FRMD4A: variants seen among roughly 807,000 people sequenced by gnomAD.
FRMD4A encodes FERM domain-containing protein 4A.
FRMD4A carries 29 observed loss-of-function variants against 129.1 expected under a neutral mutation model. The ratio of observed to expected loss-of-function variants is 0.22; its 90% CI spans 0.17 to 0.31. The LOEUF is 0.31. Ranked by LOEUF, FRMD4A falls within the 10% of genes least tolerant of loss-of-function variation. The pLI is 1.00. For synonymous variants in FRMD4A, 634 were observed against 571.6 expected (o/e 1.11, Z -1.56); for missense variants, 1,272 against 1,375.8 (o/e 0.92, Z 1.19).
chr10:13,762,531 G>A (rs931823673), intron 7 of FRMD4A, 93 bp downstream of exon 7: 2 of 742,656 alleles, frequency 2.7e-6, no homozygotes, highest in Non-Finnish European at 4.8e-6. Flanking sequence ...CAAATAGTGA[G>A]TAGATACAGC....
In FRMD4A at chr10:13,694,536, CAAG is replaced by C. The variant is rs200684947; in HGVS notation, c.976-500_976-498del. Among the ~76,000 whole-genome samples the C allele has an allele frequency of 9.7e-3, 1,473 of 152,218 alleles. 23 individuals are homozygous for C. Among genetic ancestry groups the C allele is most frequent in the African/African-American group, 0.034 (1,403 of 41,506 alleles). On this transcript the variant is annotated intron_variant, in intron 14 of 24. Transcript: ENST00000357447. ...TGGTTATAATTATTTAGTGCTTAAACAAGGAGGAGAAAATGATTTTCAGTGCTG... is the reference window on the plus strand; with the variant it reads ...TGGTTATAATTATTTAGTGCTTAAACGAGGAGAAAATGATTTTCAGTGCTG...
In FRMD4A at chr10:13,984,765, A is replaced by C. The variant is rs141823294; in HGVS notation, c.46-125853T>G. Among the ~76,000 whole-genome samples, 330 of 152,352 alleles carry C rather than the reference A, an allele frequency of 2.2e-3. 1 individual carries two copies. Among genetic ancestry groups the C allele is most frequent in the African/African-American group, 7.5e-3 (310 of 41,572 alleles). Reference sequence around the variant, plus strand: ...TTGTATGGAGAGACCACATTCATCCATCAGCGGGCACTTGGGTTGTTTCCA... The same window carrying C: ...TTGTATGGAGAGACCACATTCATCCCTCAGCGGGCACTTGGGTTGTTTCCA... On this transcript the variant is annotated intron_variant, in intron 2 of 24. Transcript: ENST00000357447.
chr10:14,205,512 T>A (rs899899627), intron 2 of FRMD4A, among the ~76,000 whole-genome samples: 4 of 152,068 alleles, frequency 2.6e-5, no homozygotes, highest in African/African-American at 9.7e-5. Flanking sequence ...ACTCAGGTTA[T>A]GTAGAAATTA....
intron 21 of FRMD4A, 130 bp from the exon 22 acceptor site, chr10:13,657,652 CAG>C (rs2082283189): frequency 1.5e-6 from 2 of 1,306,174 alleles, no homozygotes; most frequent in Non-Finnish European, 2.0e-6. Flanking sequence ...CCCAGCAAGC[CAG>C]AGTCTCACTC....
chr10:13,846,454 G>T (rs944658606), intron 3 of FRMD4A, among the ~76,000 whole-genome samples: 17 of 152,196 alleles, frequency 1.1e-4, no homozygotes, highest in African/African-American at 3.9e-4. Flanking sequence ...GGGGGTGAAG[G>T]TGATGGGGTT....
rs576679179 is a variant in FRMD4A, at chr10:13,644,339, A to G, written c.*2699T>C. On this transcript the variant is annotated 3_prime_UTR_variant, in exon 25 of 25. Transcript: ENST00000357447. ...AAGAGTTTGCAAGTGCTTGTGTACA[A>G]TAACTACATCATTTCCCACCACACT... The G allele has an allele frequency of 3.9e-5, 6 of 152,272 alleles. No individual in the cohort carries two copies. The highest frequency in any genetic ancestry group is 5.9e-5 in the Non-Finnish European group (4 of 68,054). 9.4% of individuals were successfully genotyped at this position (152,272 alleles called of 1,614,324 possible).
intron 6 of FRMD4A, among the ~76,000 whole-genome samples, chr10:13,775,989 G>C (rs2092588674): frequency 6.6e-6 from 1 of 152,188 alleles, no homozygotes. Flanking sequence ...ACTTGGATTA[G>C]TCACGATAAT....
At chr10:14,192,437 C>G (rs1055480064) in intron 2 of FRMD4A, among the ~76,000 whole-genome samples, 1 of 152,220 alleles carries the variant, frequency 6.6e-6, no homozygotes, top group Non-Finnish European at 1.5e-5. Flanking sequence ...AATATACATT[C>G]ACATAACAAA....
chr10:13,661,313 GGA>G (rs1440608970), intron 19 of FRMD4A, among the ~76,000 whole-genome samples: 2 of 152,212 alleles, frequency 1.3e-5, no homozygotes, highest in Admixed American at 1.3e-4. Flanking sequence ...AGGTGCTGTG[GGA>G]GAGGCTGGTC....
intron 2 of FRMD4A, among the ~76,000 whole-genome samples, chr10:14,263,157 T>G (rs1844862030): frequency 6.6e-6 from 1 of 152,232 alleles, no homozygotes; most frequent in Non-Finnish European, 1.5e-5. Context: ...TTGGACTGAC[T>G]TGATTCTAGA....
At chr10:13,919,673 G>A (rs2095048881) in intron 2 of FRMD4A, among the ~76,000 whole-genome samples, 3 of 152,078 alleles carry the variant, frequency 2.0e-5, no homozygotes, top group African/African-American at 7.2e-5. Context: ...CGCGGTGGCT[G>A]AAGCCTGTAA....
intron 2 of FRMD4A, among the ~76,000 whole-genome samples, chr10:14,146,820 A>C (rs1231069640): frequency 2.0e-5 from 3 of 152,220 alleles, no homozygotes; most frequent in Non-Finnish European, 4.4e-5. Flanking sequence ...CTCACCAGGC[A>C]CATGAGTCAA....
At chr10:13,853,843 A>AAG (rs1564915425) in intron 3 of FRMD4A, among the ~76,000 whole-genome samples, 1 of 150,446 alleles carries the variant, frequency 6.6e-6, no homozygotes, top group Non-Finnish European at 1.5e-5. Context: ...AAAAAAAAAA[A>AAG]AAAAAAAAAA....
intron 2 of FRMD4A, among the ~76,000 whole-genome samples, chr10:14,215,902 A>T (rs1191098251): frequency 6.6e-6 from 1 of 152,100 alleles, no homozygotes; most frequent in Non-Finnish European, 1.5e-5. Flanking sequence ...CTGCATGTCG[A>T]AGGGGAAATA....
intron 14 of FRMD4A, 70 bp downstream of exon 14, chr10:13,701,270 T>C (rs1197035812): frequency 4.1e-6 from 6 of 1,463,184 alleles, no homozygotes; most frequent in Admixed American, 1.7e-5. Flanking sequence ...CCCCCACCCA[T>C]CCGATCCTCA....
At position 14,325,790 on chromosome 10, in the gene FRMD4A, A is replaced by G. The variant is rs1054501254; in HGVS notation, c.45+4268T>C. 2.0e-5 allele frequency among the ~76,000 whole-genome samples: 3 copies of G among 152,384 alleles called. No homozygotes were observed. In the East Asian group the frequency reaches 5.8e-4, roughly 29 times the overall value. Reference sequence around the variant, plus strand: ...ATTGTCCAAAGGAGGAAAATGGCTTAGAAAAGAATTTATAAAGAAATGAAA... The same window carrying G: ...ATTGTCCAAAGGAGGAAAATGGCTTGGAAAAGAATTTATAAAGAAATGAAA... On this transcript the variant is annotated intron_variant, in intron 2 of 24. Coordinates refer to ENST00000357447, the MANE Select transcript of FRMD4A (RefSeq NM_018027.5).
chr10:13,794,928 A>T (rs911580993), intron 5 of FRMD4A, among the ~76,000 whole-genome samples: 1 of 152,160 alleles, frequency 6.6e-6, no homozygotes, highest in African/African-American at 2.4e-5. Context: ...GCTTGCAGTG[A>T]TTTGGAAAGA....
At chr10:13,688,277 G>C (rs1048098322) in intron 15 of FRMD4A, among the ~76,000 whole-genome samples, 18 of 152,054 alleles carry the variant, frequency 1.2e-4, no homozygotes, top group Non-Finnish European at 2.5e-4. Context: ...CATCATTCTC[G>C]GCAAACTATA....
chr10:13,874,916 G>A (rs1365134638), intron 2 of FRMD4A, among the ~76,000 whole-genome samples: 1 of 152,134 alleles, frequency 6.6e-6, no homozygotes, highest in Non-Finnish European at 1.5e-5. Context: ...AAATACCCAA[G>A]TTAACAGGCT....
Sources: gnomAD v4.1 joint callset for allele counts (sites outside exome capture counted in the v4.1 genomes callset) on GRCh38, gnomAD v4.1.1 for gene constraint, MANE v1.5 for transcripts, NCBI Gene and HGNC (gene_info 2026-07-23, HGNC 2026-07-21) for gene names.